The following C12orf42 variants were observed in gnomAD, a reference collection of about 807,000 sequenced individuals.
C12orf42 encodes the protein chromosome 12 open reading frame 42.
A neutral mutation model predicts 21.6 loss-of-function variants in C12orf42; 25 were observed. The ratio of observed to expected loss-of-function variants is 1.16; its 90% CI spans 0.84 to 1.62. The LOEUF (loss-of-function observed/expected upper bound fraction) is 1.62, where lower values mean the gene tolerates loss of function less well. C12orf42 is among the 40% of genes most tolerant of loss of function. The pLI is 0.00. For synonymous variants in C12orf42, 174 were observed against 175.0 expected (o/e 0.99, Z 0.05); for missense variants, 483 against 459.3 (o/e 1.05, Z -0.47).
chr12:103,514,237 AC>A, the C12orf42 span, among the ~76,000 whole-genome samples: 5 of 152,136 alleles, frequency 3.3e-5, no homozygotes, highest in African/African-American at 1.2e-4. Context: ...AATTATCTCT[AC>A]CTGGTCCTTC....
At chr12:103,398,103 TC>T (rs2047684544) in intron 3 of C12orf42, among the ~76,000 whole-genome samples, 1 of 152,182 alleles carries the variant, frequency 6.6e-6, no homozygotes. Flanking sequence ...CTGTGTTAGA[TC>T]ATGAAAATGC....
At chr12:103,058,936 C>A in the C12orf42 span, among the ~76,000 whole-genome samples, 4 of 151,954 alleles carry the variant, frequency 2.6e-5, no homozygotes, top group Admixed American at 2.0e-4. Flanking sequence ...GAAACAAGAG[C>A]AAACTCAAAA....
the C12orf42 span, among the ~76,000 whole-genome samples, chr12:103,224,221 C>T: frequency 6.6e-6 from 1 of 152,144 alleles, no homozygotes; most frequent in Admixed American, 6.5e-5. Flanking sequence ...TGGGGCAAAT[C>T]CTCGAGCTTG....
the C12orf42 span, among the ~76,000 whole-genome samples, chr12:103,220,248 C>T: frequency 6.6e-6 from 1 of 151,886 alleles, no homozygotes; most frequent in Non-Finnish European, 1.5e-5. Context: ...CATCTCACAC[C>T]AGGGCCTCTC....
intron 4 of C12orf42, among the ~76,000 whole-genome samples, chr12:103,307,747 CATGCACATGT>C (rs1022501231): frequency 1.3e-5 from 2 of 151,952 alleles, no homozygotes; most frequent in African/African-American, 2.4e-5. Flanking sequence ...GGTAGAGGGG[CATGCACATGT>C]GTGCACATGT....
chr12:103,548,623 AT>A, the C12orf42 span: 1 of 152,226 alleles, frequency 6.6e-6, no homozygotes, highest in Non-Finnish European at 1.5e-5. Context: ...AAGACATCAC[AT>A]GTGAATTGCT....
chr12:103,554,090 T>G, the C12orf42 span, among the ~76,000 whole-genome samples: 1 of 152,146 alleles, frequency 6.6e-6, no homozygotes. Flanking sequence ...AGGAAAGTTT[T>G]GACTTTGCAG....
chr12:103,060,079 AC>A, the C12orf42 span, among the ~76,000 whole-genome samples: 2 of 152,208 alleles, frequency 1.3e-5, no homozygotes, highest in Non-Finnish European at 2.9e-5. Context: ...TATATAGAAT[AC>A]CCCATCATCT....
At chr12:103,174,991 A>ATTT in the C12orf42 span, among the ~76,000 whole-genome samples, 19 of 152,242 alleles carry the variant, frequency 1.2e-4, no homozygotes, top group Non-Finnish European at 2.1e-4. Context: ...TCTGATTACC[A>ATTT]TTTGACAAAT....
chr12:103,411,319 T>C (rs1428076025), intron 2 of C12orf42, among the ~76,000 whole-genome samples: 1 of 152,234 alleles, frequency 6.6e-6, no homozygotes, highest in East Asian at 1.9e-4. Flanking sequence ...GGGAACTTAC[T>C]GTCAATTTTA....
chr12:103,090,950 C>A, the C12orf42 span, among the ~76,000 whole-genome samples: 4 of 151,176 alleles, frequency 2.6e-5, no homozygotes, highest in South Asian at 8.4e-4. Flanking sequence ...CAGCCCACTT[C>A]AACTGCTGGT....
chr12:103,148,517 G>A, the C12orf42 span, among the ~76,000 whole-genome samples: 3 of 151,946 alleles, frequency 2.0e-5, no homozygotes, highest in South Asian at 6.2e-4. Context: ...TTCCTTTAGT[G>A]CTATTTATTG....
At chr12:103,116,388 A>C in the C12orf42 span, among the ~76,000 whole-genome samples, 2 of 146,866 alleles carry the variant, frequency 1.4e-5, no homozygotes, top group Admixed American at 1.4e-4. Context: ...AAAAATATAT[A>C]TATATATATA....
the C12orf42 span, among the ~76,000 whole-genome samples, chr12:103,071,268 C>T: frequency 7.9e-5 from 12 of 152,044 alleles, no homozygotes; most frequent in Non-Finnish European, 8.8e-5. Flanking sequence ...CAGAACTACA[C>T]AAAAAGTTTA....
rs533021220 is a variant in C12orf42, at chr12:103,437,224, C to T, written c.79-35549G>A. Among the ~76,000 whole-genome samples the T allele has an allele frequency of 5.4e-3, 823 of 152,222 alleles. 7 individuals carry two copies. The highest frequency in any genetic ancestry group is 0.018 in the African/African-American group (768 of 41,522). The stretch of plus-strand genomic sequence containing the variant: ...GAAACCAGCGAGAACAAAGACACAA[C>T]ATACCAGAATCTCTGGGATGCATTC... On this transcript the variant is annotated intron_variant, in intron 2 of 5. Transcript: ENST00000548883.
the C12orf42 span, among the ~76,000 whole-genome samples, chr12:103,117,259 A>G: frequency 6.6e-6 from 1 of 151,846 alleles, no homozygotes; most frequent in Non-Finnish European, 1.5e-5. Flanking sequence ...ATTCCATGAG[A>G]TCACTATTTT....
the C12orf42 span, among the ~76,000 whole-genome samples, chr12:103,208,330 C>T: frequency 1.3e-5 from 2 of 152,166 alleles, no homozygotes; most frequent in Non-Finnish European, 2.9e-5. Flanking sequence ...GCTCCCCACA[C>T]GGCCCCCCTT....
chr12:103,092,175 CT>C, the C12orf42 span, among the ~76,000 whole-genome samples: 1 of 152,194 alleles, frequency 6.6e-6, no homozygotes, highest in Non-Finnish European at 1.5e-5. Flanking sequence ...CAAGAGATTT[CT>C]ATTACCTCTC....
chr12:103,142,203 C>T, the C12orf42 span, among the ~76,000 whole-genome samples: 1 of 152,158 alleles, frequency 6.6e-6, no homozygotes, highest in Non-Finnish European at 1.5e-5. Flanking sequence ...GTTGTTGTCT[C>T]TAGTGAACTA....
Sources: gnomAD v4.1 joint callset for allele counts (sites outside exome capture counted in the v4.1 genomes callset) on GRCh38, gnomAD v4.1.1 for gene constraint, MANE v1.5 for transcripts, NCBI Gene and HGNC (gene_info 2026-07-23, HGNC 2026-07-21) for gene names.